LPP: variants seen among roughly 807,000 people sequenced by gnomAD.
The protein encoded by LPP is lipoma-preferred partner.
In LPP, 38 loss-of-function variants were observed where a neutral mutation model predicts 60.4. That is an observed-to-expected ratio of 0.63 (90% CI 0.49 to 0.83). LPP has a LOEUF of 0.83. Ranked by LOEUF, LPP falls within the 40% of genes least tolerant of loss-of-function variation. The probability of loss-of-function intolerance (pLI) is 0.00; values close to 1 mark genes in which losing one functional copy is unlikely to be tolerated. For synonymous variants in LPP, 328 were observed against 290.8 expected (o/e 1.13, Z -1.30); for missense variants, 902 against 783.6 (o/e 1.15, Z -1.80).
At chr3:188,795,615 A>T (rs1366354161) in intron 9 of LPP, among the ~76,000 whole-genome samples, 2 of 152,128 alleles carry the variant, frequency 1.3e-5, no homozygotes, top group Non-Finnish European at 2.9e-5. Flanking sequence ...AATGCTTGGA[A>T]ATGTGGCCAC....
At chr3:188,400,944 A>G (rs952412483) in intron 3 of LPP, among the ~76,000 whole-genome samples, 5 of 152,196 alleles carry the variant, frequency 3.3e-5, no homozygotes, top group African/African-American at 9.7e-5. Context: ...TAAACTTGTG[A>G]AGTTTCATCA....
At chr3:188,768,088 T>C (rs552627154) in intron 9 of LPP, among the ~76,000 whole-genome samples, 1 of 152,234 alleles carries the variant, frequency 6.6e-6, no homozygotes. Flanking sequence ...AAATTTTATA[T>C]GAGAGACTAT....
intron 5 of LPP, among the ~76,000 whole-genome samples, chr3:188,505,128 T>C (rs1257219614): frequency 2.0e-5 from 3 of 152,208 alleles, no homozygotes; most frequent in Admixed American, 6.5e-5. Context: ...CTCCAGAAAG[T>C]AGACTCCTTT....
chr3:188,231,604 C>A (rs1240321642), intron 2 of LPP, among the ~76,000 whole-genome samples: 1 of 151,992 alleles, frequency 6.6e-6, no homozygotes, highest in African/African-American at 2.4e-5. Flanking sequence ...GCGTGAGACA[C>A]CGAGACTTGG....
chr3:188,560,193 G>A (rs1830348847), intron 6 of LPP, among the ~76,000 whole-genome samples: 1 of 152,110 alleles, frequency 6.6e-6, no homozygotes, highest in Non-Finnish European at 1.5e-5. Context: ...CAGGTAGTAG[G>A]TGCAGGTTTA....
At chr3:188,832,840 G>A (rs1757458126) in intron 9 of LPP, among the ~76,000 whole-genome samples, 1 of 152,168 alleles carries the variant, frequency 6.6e-6, no homozygotes, top group Admixed American at 6.5e-5. Context: ...AGGTAGGCTG[G>A]TGAGGGGTTC....
At chr3:188,376,090 TC>T (rs1417528398) in intron 3 of LPP, among the ~76,000 whole-genome samples, 1 of 151,848 alleles carries the variant, frequency 6.6e-6, no homozygotes, top group African/African-American at 2.4e-5. Flanking sequence ...TAATTTCTGT[TC>T]TTTTACATTT....
At chr3:188,516,100 T>A (rs768516042) in intron 5 of LPP, among the ~76,000 whole-genome samples, 3 of 151,838 alleles carry the variant, frequency 2.0e-5, no homozygotes, top group Non-Finnish European at 4.4e-5. Context: ...CAAAGAGGAG[T>A]CAGTTATCAA....
intron 1 of LPP, among the ~76,000 whole-genome samples, chr3:188,207,325 G>A (rs554564082): frequency 5.4e-5 from 8 of 149,410 alleles, no homozygotes; most frequent in Non-Finnish European, 8.9e-5. Context: ...TCTTCCTGCC[G>A]GGTTCGAGCC....
At chr3:188,276,884 C>G in intron 2 of LPP, among the ~76,000 whole-genome samples, 1 of 101,470 alleles carries the variant, frequency 9.9e-6, no homozygotes, top group Admixed American at 1.1e-4. Context: ...TCAACCACTT[C>G]TTTTCTTTTC....
At chr3:188,499,044 A>C (rs920231366) in intron 5 of LPP, among the ~76,000 whole-genome samples, 2 of 151,894 alleles carry the variant, frequency 1.3e-5, no homozygotes, top group Non-Finnish European at 2.9e-5. Flanking sequence ...ATATATTCTG[A>C]ATATTAATCC....
At chr3:188,657,476 G>A (rs1853553247) in intron 7 of LPP, among the ~76,000 whole-genome samples, 1 of 151,644 alleles carries the variant, frequency 6.6e-6, no homozygotes, top group Non-Finnish European at 1.5e-5. Flanking sequence ...TATAAATTTA[G>A]CATTACCAGT....
chr3:188,165,895 C>T (rs374042679), intron 1 of LPP, among the ~76,000 whole-genome samples: 122 of 152,302 alleles, frequency 8.0e-4, no homozygotes, highest in East Asian at 2.5e-3. Context: ...GAGGTGATCT[C>T]GTCTGCCCAG....
At chr3:188,511,202 CCCTCCCTTCCTCCCTTCCTT>C (rs1367228164) in intron 5 of LPP, among the ~76,000 whole-genome samples, 15 of 121,704 alleles carry the variant, frequency 1.2e-4, no homozygotes, top group South Asian at 3.4e-4. Context: ...CTCCCTCCTT[CCCTCCCTTCCTCCCTTCCTT>C]CCTCCCTTCC....
intron 8 of LPP, among the ~76,000 whole-genome samples, chr3:188,751,128 T>C (rs574612746): frequency 1.4e-3 from 218 of 152,322 alleles, no homozygotes; most frequent in African/African-American, 5.1e-3. Context: ...ATTCTGTTGC[T>C]GGCTGCTGAA....
chr3:188,416,500 A>C (rs1560376025), intron 4 of LPP, among the ~76,000 whole-genome samples: 1 of 152,188 alleles, frequency 6.6e-6, no homozygotes, highest in African/African-American at 2.4e-5. Flanking sequence ...CATTAACTTC[A>C]GGGACCAGTG....
At chr3:188,318,952 G>T (rs576219036) in intron 2 of LPP, among the ~76,000 whole-genome samples, 24 of 151,286 alleles carry the variant, frequency 1.6e-4, no homozygotes, top group Admixed American at 4.0e-4. Context: ...TAGAGACGGG[G>T]TTTCACCGTT....
chr3:188,442,136 T>G (rs1347814508), intron 4 of LPP, among the ~76,000 whole-genome samples: 1 of 152,174 alleles, frequency 6.6e-6, no homozygotes, highest in African/African-American at 2.4e-5. Flanking sequence ...TTATTTTTAT[T>G]ATTATACTTT....
rs995878848 is a variant in LPP, at chr3:188,886,999, A to G, written c.*12520A>G. The G allele has an allele frequency of 8.6e-6, 2 of 231,262 alleles. No individual in the cohort carries two copies. Among genetic ancestry groups the G allele is most frequent in the Non-Finnish European group, 1.7e-5 (2 of 116,960 alleles). 14.3% of individuals were successfully genotyped at this position (231,262 alleles called of 1,614,324 possible). A position where few individuals can be genotyped will look rare whatever the true frequency, so the allele number is the denominator to read the frequency against. On this transcript the variant is annotated 3_prime_UTR_variant, in exon 12 of 12. Coordinates refer to ENST00000617246, the MANE Select transcript of LPP (RefSeq NM_001375462.1). Reference sequence around the variant, plus strand: ...CTCTCATGCGTGATTCTCTCTTTATATTTCTATCTGTTGGGAAAAGGGTAA... The same window carrying G: ...CTCTCATGCGTGATTCTCTCTTTATGTTTCTATCTGTTGGGAAAAGGGTAA...
Sources: allele counts gnomAD v4.1 joint callset (sites outside exome capture counted in the v4.1 genomes callset), GRCh38; gene constraint gnomAD v4.1.1; transcripts MANE v1.5; gene names NCBI Gene and HGNC (gene_info 2026-07-23, HGNC 2026-07-21).